ATR: variants seen among roughly 807,000 people sequenced by gnomAD.
The protein encoded by ATR is serine/threonine-protein kinase ATR.
ATR carries 142 observed loss-of-function variants against 305.3 expected under a neutral mutation model. The observed-to-expected ratio is 0.47, with a 90% CI of 0.41 to 0.53. The LOEUF (loss-of-function observed/expected upper bound fraction) is 0.53. Among genes scored for constraint, ATR ranks in the 20% least tolerant of loss-of-function variants. The pLI, the probability that ATR is intolerant of heterozygous loss-of-function variation, is 0.00. For synonymous variants in ATR, 1,050 were observed against 1,068.1 expected, an observed-to-expected ratio of 0.98 and a Z score of 0.33; for missense variants, 2,135 against 3,133.1, an observed-to-expected ratio of 0.68 and a Z score of 7.60.
chr3:142,466,357 T>C lies in ATR; in HGVS notation c.6864A>G (p.Gly2288=), dbSNP rs1185316519. ...ANHASHEPFP[G]HWAYIAGFDD... ...CAAACCCTGCAATATAGGCCCAATG[T>C]CCAGGAAATGGTTCATGGCTAGCAT... The change falls in exon 40 of 47, where the codon GGA becomes GGG. Residue 2288 remains glycine (G), a synonymous_variant. Coordinates refer to ENST00000350721, the MANE Select transcript of ATR (RefSeq NM_001184.4). The C allele has an allele frequency of 6.2e-7, 1 of 1,613,836 alleles. No individual in the cohort carries two copies. The highest frequency in any genetic ancestry group is 8.5e-7 in the Non-Finnish European group (1 of 1,179,892).
chr3:142,536,144 T>A lies in ATR; in HGVS notation c.3783A>T (p.Leu1261Phe), dbSNP rs202136214. Residue 1261 changes from leucine to phenylalanine, a missense_variant, in exon 20 of 47, where the codon TTA becomes TTT. Physicochemically the swap from Leu to Phe is conservative, Grantham distance 22. Transcript: ENST00000350721. Reference sequence around the variant, plus strand: ...CCTGGAGAACGGCTTTTATCTTTTTTAATTCTGGATGATCAGGTAAAAAAT... The same window carrying A: ...CCTGGAGAACGGCTTTTATCTTTTTAAATTCTGGATGATCAGGTAAAAAAT... ...EIYFLPDHPE[L>F]KKIKAVLQEY... 2 of 1,593,248 alleles carry A rather than the reference T, an allele frequency of 1.3e-6. No individual in the cohort carries two copies. Among genetic ancestry groups the A allele is most frequent in the Non-Finnish European group, 1.7e-6 (2 of 1,161,320 alleles).
At position 142,505,911 on chromosome 3, in the gene ATR, A is replaced by C. The variant is rs76234258; in HGVS notation, c.5032-608T>G. ...GCTGGCAAATGAAACAGGAGAAGTG[A>C]GATAACTTGGAAGAAAACTGGAGAA... On this transcript the variant is annotated intron_variant, in intron 28 of 46. Coordinates refer to ENST00000350721, the MANE Select transcript of ATR (RefSeq NM_001184.4). 7.2e-3 allele frequency among the ~76,000 whole-genome samples: 1,103 copies of C among 152,312 alleles called. 33 individuals carry two copies. Among genetic ancestry groups the C allele is most frequent in the East Asian group, 0.051 (263 of 5,180 alleles).
chr3:142,496,643 C>A, intron 33 of ATR, 123 bp from the exon 34 acceptor site: 1 of 1,024,498 alleles, frequency 9.8e-7, no homozygotes, highest in East Asian at 2.5e-5. Flanking sequence ...TTGAAAGCCT[C>A]TGTTCCCAAT....
At position 142,497,048 on chromosome 3, in the gene ATR, C is replaced by T. The variant is rs2108335708; in HGVS notation, c.5703G>A (p.Leu1901=). The T allele has an allele frequency of 6.2e-7, 1 of 1,612,994 alleles. No individual in the cohort carries two copies. Among genetic ancestry groups the T allele is most frequent in the Non-Finnish European group, 8.5e-7 (1 of 1,179,604 alleles). The change falls in exon 33 of 47, where the codon CTG becomes CTA. Residue 1901 remains leucine (L), a synonymous_variant. Coordinates refer to ENST00000350721, the MANE Select transcript of ATR (RefSeq NM_001184.4). The stretch of plus-strand genomic sequence containing the variant: ...GGCTTAGTAAAGCCCTCCGGAGAGC[C>T]AGGATAGGCTCCTTGGCTCTGTAGG... ...QNSYRAKEPI[L]ALRRALLSLN...
chr3:142,485,034 A>C, intron 36 of ATR, 106 bp downstream of exon 36: 1 of 1,520,622 alleles, frequency 6.6e-7, no homozygotes, highest in Non-Finnish European at 9.1e-7. Context: ...TGAATCAGTC[A>C]TAAGCCAGAA....
At chr3:142,481,085 C>G (rs1559924930) in intron 36 of ATR, among the ~76,000 whole-genome samples, 1 of 152,118 alleles carries the variant, frequency 6.6e-6, no homozygotes, top group Non-Finnish European at 1.5e-5. Flanking sequence ...GTGCGCTGCA[C>G]CCACTGTCCT....
chr3:142,562,931 A>T lies in ATR; in HGVS notation c.471T>A (p.Val157=). 1 of 1,613,324 alleles carries T rather than the reference A, an allele frequency of 6.2e-7. No homozygotes were observed. Among genetic ancestry groups the T allele is most frequent in the Non-Finnish European group, 8.5e-7 (1 of 1,179,814 alleles). ...KELLQLFEDL[V]YLHRRNVMGH... ...CCATCACATTTCTTCTATGGAGGTA[A>T]ACCAAGTCTTCAAAAAGTTGTAATA... The change falls in exon 4 of 47, where the codon GTT becomes GTA. Residue 157 remains valine (V), a synonymous_variant. Transcript: ENST00000350721.
In ATR at chr3:142,507,481, C is replaced by T. The variant is rs190950148; in HGVS notation, c.5031+450G>A. 2.0e-4 allele frequency among the ~76,000 whole-genome samples: 31 copies of T among 152,338 alleles called. 1 individual carries two copies. In the East Asian group the frequency reaches 5.6e-3, roughly 27 times the overall value. ...AATTCCATTGTGACCATAACACTTC[C>T]CTAGTTCGCACCCTCCAAGAAGTTT... On this transcript the variant is annotated intron_variant, in intron 28 of 46. Transcript: ENST00000350721.
intron 21 of ATR, among the ~76,000 whole-genome samples, chr3:142,527,708 T>C (rs1178016467): frequency 6.6e-6 from 1 of 152,222 alleles, no homozygotes; most frequent in Non-Finnish European, 1.5e-5. Context: ...ATAAAATATT[T>C]GTTTCACATA....
chr3:142,525,623 G>A (rs893934596), intron 21 of ATR, among the ~76,000 whole-genome samples: 3 of 152,152 alleles, frequency 2.0e-5, no homozygotes, highest in Non-Finnish European at 4.4e-5. Flanking sequence ...AGGTGTTTGG[G>A]TCACATGGGT....
intron 16 of ATR, among the ~76,000 whole-genome samples, chr3:142,543,873 G>A (rs891806628): frequency 6.6e-6 from 1 of 151,950 alleles, no homozygotes; most frequent in Non-Finnish European, 1.5e-5. Context: ...GTTTCGCCAT[G>A]TTGCCCAGGC....
chr3:142,542,828 T>A, intron 16 of ATR, 71 bp from the exon 17 acceptor site: 2 of 1,199,976 alleles, frequency 1.7e-6, no homozygotes, highest in East Asian at 2.6e-5. Flanking sequence ...TTTTAATTAT[T>A]TAATTAATGT....
intron 21 of ATR, among the ~76,000 whole-genome samples, chr3:142,527,631 G>A (rs2033450432): frequency 6.6e-6 from 1 of 151,870 alleles, no homozygotes; most frequent in South Asian, 2.1e-4. Context: ...ACTGCTTTCT[G>A]TTCTCTATAT....
chr3:142,523,009 A>G (rs1359436373), intron 22 of ATR, among the ~76,000 whole-genome samples, 168 bp from the exon 23 acceptor site: 1 of 152,174 alleles, frequency 6.6e-6, no homozygotes, highest in Non-Finnish European at 1.5e-5. Context: ...ACTACAATAT[A>G]ATCTGTAGCT....
chr3:142,576,184 C>T (rs916059598), intron 1 of ATR, among the ~76,000 whole-genome samples: 2 of 152,020 alleles, frequency 1.3e-5, no homozygotes, highest in Non-Finnish European at 2.9e-5. Flanking sequence ...GATTATTAAG[C>T]GACAAGGGAA....
intron 2 of ATR, among the ~76,000 whole-genome samples, 194 bp from the exon 3 acceptor site, chr3:142,566,455 C>CA (rs1039255639): frequency 2.0e-5 from 3 of 151,548 alleles, no homozygotes; most frequent in Non-Finnish European, 2.9e-5. Context: ...CCCGTCTCTA[C>CA]AAAAAAAATT....
intron 17 of ATR, 22 bp downstream of exon 17, chr3:142,542,643 C>G: frequency 6.4e-7 from 1 of 1,572,754 alleles, no homozygotes; most frequent in Non-Finnish European, 8.7e-7. Context: ...TATCTTAGCA[C>G]TCTGGAACTA....
chr3:142,571,465 CAATAAATAAATAAATAAATA>C (rs72292987), intron 1 of ATR, among the ~76,000 whole-genome samples: 28 of 143,256 alleles, frequency 2.0e-4, no homozygotes, highest in African/African-American at 4.9e-4. Flanking sequence ...GACTCAGTCT[CAATAAATAAATAAATAAATA>C]AATAAATAAA....
Position 142,466,430 on chromosome 3 carries a change from G to C in ATR, c.6791C>G (p.Ser2264Ter). The C allele has an allele frequency of 6.2e-7, 1 of 1,613,746 alleles. No individual in the cohort carries two copies. ...TFSEILIPLQSVMIPTLPSIL... is the reference protein window; with the variant it reads ...TFSEILIPLQ ...TGATGGAAGTGTAGGTATCATGACT[G>C]ATTGTAGAGGAATGAGGATTTCACT... is the stretch of plus-strand genomic sequence containing the variant. Residue 2264 changes from serine to a stop codon, truncating the protein, a stop_gained, in exon 40 of 47, where the codon TCA (serine) becomes TGA (stop). Coordinates refer to ENST00000350721, the MANE Select transcript of ATR (RefSeq NM_001184.4). LOFTEE classifies it high-confidence loss of function.
Sources: allele counts gnomAD v4.1 joint callset (sites outside exome capture counted in the v4.1 genomes callset), GRCh38; gene constraint gnomAD v4.1.1; transcripts MANE v1.5; gene names NCBI Gene and HGNC (gene_info 2026-07-23, HGNC 2026-07-21).